AP3B1: variants seen among roughly 807,000 people sequenced by gnomAD.
AP3B1 encodes the protein AP-3 complex subunit beta-1.
In AP3B1, 61 loss-of-function variants were observed where a neutral mutation model predicts 132.5. The ratio of observed to expected loss-of-function variants is 0.46; its 90% CI spans 0.37 to 0.57. The LOEUF (loss-of-function observed/expected upper bound fraction) is 0.57, where lower values mean the gene tolerates loss of function less well. Ranked by LOEUF, AP3B1 falls within the 20% of genes least tolerant of loss-of-function variation. AP3B1 has a pLI of 0.00. For missense variants in AP3B1, 1,120 were observed against 1,289.4 expected (o/e 0.87, Z 2.01); for synonymous variants, 388 against 438.3 (o/e 0.89, Z 1.43).
intron 26 of AP3B1, among the ~76,000 whole-genome samples, chr5:78,008,558 T>TA (rs1746490978): frequency 6.6e-6 from 1 of 152,190 alleles, no homozygotes; most frequent in Non-Finnish European, 1.5e-5. Flanking sequence ...TGCTGTCCTC[T>TA]AGTGGACAGC....
intron 26 of AP3B1, among the ~76,000 whole-genome samples, chr5:78,004,329 AC>A (rs1746307419): frequency 6.6e-6 from 1 of 152,222 alleles, no homozygotes; most frequent in South Asian, 2.1e-4. Flanking sequence ...CACAGAGCCC[AC>A]GGTGTCCACA....
chr5:78,154,164 TTTTG>T (rs1439376893), intron 14 of AP3B1, among the ~76,000 whole-genome samples: 1 of 152,168 alleles, frequency 6.6e-6, no homozygotes, highest in Non-Finnish European at 1.5e-5. Context: ...CTCCCTCAGC[TTTTG>T]TTTGTCTGGG....
chr5:78,059,030 T>C (rs1369700096), intron 22 of AP3B1, among the ~76,000 whole-genome samples: 1 of 152,246 alleles, frequency 6.6e-6, no homozygotes, highest in Non-Finnish European at 1.5e-5. Context: ...AATGAATATG[T>C]AACATTATGT....
chr5:78,029,698 C>T (rs1159237752), intron 24 of AP3B1, among the ~76,000 whole-genome samples: 2 of 152,114 alleles, frequency 1.3e-5, no homozygotes, highest in Non-Finnish European at 2.9e-5. Context: ...GACAAGTTCT[C>T]GCTATGCTGG....
At chr5:78,083,079 A>T (rs1750085576) in intron 22 of AP3B1, among the ~76,000 whole-genome samples, 1 of 152,098 alleles carries the variant, frequency 6.6e-6, no homozygotes, top group Non-Finnish European at 1.5e-5. Context: ...GGCCTCCCAA[A>T]GTGTTGGGAT....
intron 24 of AP3B1, among the ~76,000 whole-genome samples, chr5:78,028,104 G>A (rs938558118): frequency 4.0e-5 from 6 of 151,724 alleles, no homozygotes; most frequent in South Asian, 2.1e-4. Context: ...CCAGCCTGGC[G>A]ACAGAGTAAG....
At chr5:78,285,091 C>CA (rs1056263745) in intron 1 of AP3B1, among the ~76,000 whole-genome samples, 14 of 151,616 alleles carry the variant, frequency 9.2e-5, no homozygotes, top group African/African-American at 2.7e-4. Context: ...ACTAAAAATA[C>CA]AAAAAAAATT....
rs113172214 is a variant in AP3B1, at chr5:78,071,229, T to C, written c.2577+18164A>G. Among the ~76,000 whole-genome samples the C allele has an allele frequency of 2.0e-3, 309 of 152,158 alleles. 2 individuals are homozygous for C. Among genetic ancestry groups the C allele is most frequent in the African/African-American group, 6.9e-3 (288 of 41,508 alleles). On this transcript the variant is annotated intron_variant, in intron 22 of 26. Transcript: ENST00000255194. ...TATTCCATGAAATACTATGCAGCCA[T>C]AAAAAGGAACAAGATCATGTCCTTC...
chr5:78,129,367 G>A (rs1752598651), intron 15 of AP3B1, 60 bp from the exon 16 acceptor site: 3 of 1,333,538 alleles, frequency 2.2e-6, no homozygotes, highest in Admixed American at 3.4e-5. Context: ...CGATAACTCT[G>A]GATAAACATA....
At chr5:78,206,530 T>G (rs1270308338) in intron 7 of AP3B1, among the ~76,000 whole-genome samples, 1 of 152,128 alleles carries the variant, frequency 6.6e-6, no homozygotes, top group African/African-American at 2.4e-5. Context: ...GGAAGAAGGA[T>G]CTTTCTCCCT....
chr5:78,100,570 C>T (rs1751085152), intron 21 of AP3B1, among the ~76,000 whole-genome samples: 1 of 152,144 alleles, frequency 6.6e-6, no homozygotes, highest in Non-Finnish European at 1.5e-5. Flanking sequence ...ATGTCCTTTC[C>T]ATTTTTATTT....
At chr5:78,122,112 T>G (rs547440634) in intron 17 of AP3B1, among the ~76,000 whole-genome samples, 3 of 152,150 alleles carry the variant, frequency 2.0e-5, no homozygotes, top group Non-Finnish European at 4.4e-5. Context: ...ATTATCTCAA[T>G]AGATGCAGAA....
At chr5:78,276,097 G>T (rs543587556) in intron 1 of AP3B1, among the ~76,000 whole-genome samples, 1 of 151,306 alleles carries the variant, frequency 6.6e-6, no homozygotes, top group Non-Finnish European at 1.5e-5. Flanking sequence ...ATAGGGTCTT[G>T]CTCTATTGCC....
intron 5 of AP3B1, among the ~76,000 whole-genome samples, 186 bp downstream of exon 5, chr5:78,227,186 T>C (rs1340129084): frequency 6.6e-6 from 1 of 152,100 alleles, no homozygotes; most frequent in Non-Finnish European, 1.5e-5. Flanking sequence ...AGGGTCTCTA[T>C]AGCCAAAACG....
chr5:78,243,861 CTA>C (rs1334317511), intron 2 of AP3B1, among the ~76,000 whole-genome samples: 1 of 152,148 alleles, frequency 6.6e-6, no homozygotes, highest in Non-Finnish European at 1.5e-5. Context: ...TTGGCTTTTA[CTA>C]TGAGTGAAGC....
Position 78,116,239 on chromosome 5 carries a change from T to C in AP3B1, c.1969-5A>G, listed in dbSNP as rs934355263. The C allele has an allele frequency of 1.2e-6, 2 of 1,604,286 alleles. No homozygotes were observed. Among genetic ancestry groups the C allele is most frequent in the African/African-American group, 1.3e-5 (1 of 74,710 alleles). On this transcript the variant is annotated splice_polypyrimidine_tract_variant and splice_region_variant and intron_variant, in intron 17 of 26. Coordinates refer to ENST00000255194, the MANE Select transcript of AP3B1 (RefSeq NM_003664.5). Reference sequence around the variant, plus strand: ...TGCTGGGGTCCATTCTTTTGCCTGTTTAAACAAATAAAGTAAATATAAATG... The same window carrying C: ...TGCTGGGGTCCATTCTTTTGCCTGTCTAAACAAATAAAGTAAATATAAATG...
At chr5:78,111,806 T>C (rs138019477) in intron 19 of AP3B1, among the ~76,000 whole-genome samples, 305 of 152,294 alleles carry the variant, frequency 2.0e-3, no homozygotes, top group Non-Finnish European at 2.5e-3. Context: ...ATACCAATCA[T>C]ACTAATTATC....
intron 2 of AP3B1, among the ~76,000 whole-genome samples, chr5:78,253,420 A>G (rs933586987): frequency 2.0e-5 from 3 of 152,230 alleles, no homozygotes; most frequent in African/African-American, 4.8e-5. Flanking sequence ...AAGCCTTCCC[A>G]AGAAAGATAA....
At chr5:78,200,170 C>A (rs1378746146) in intron 7 of AP3B1, among the ~76,000 whole-genome samples, 1 of 151,834 alleles carries the variant, frequency 6.6e-6, no homozygotes, top group Admixed American at 6.6e-5. Context: ...AAGATGACAG[C>A]TCCATGGGTG....
Sources: gnomAD v4.1 joint callset for allele counts (sites outside exome capture counted in the v4.1 genomes callset) on GRCh38, gnomAD v4.1.1 for gene constraint, MANE v1.5 for transcripts, NCBI Gene and HGNC (gene_info 2026-07-23, HGNC 2026-07-21) for gene names.